ARHGAP10: variants seen among roughly 807,000 people sequenced by gnomAD.
The protein encoded by ARHGAP10 is Rho GTPase activating protein 10.
ARHGAP10 carries 87 observed loss-of-function variants against 108.6 expected under a neutral mutation model. That is an observed-to-expected ratio of 0.80 (90% CI 0.67 to 0.96). The LOEUF is 0.96. Among genes scored for constraint, ARHGAP10 ranks in the 40% least tolerant of loss-of-function variants. The pLI is 0.00. For synonymous variants in ARHGAP10, 347 were observed against 341.1 expected, an observed-to-expected ratio of 1.02 and a Z score of -0.19; for missense variants, 939 against 954.5, an observed-to-expected ratio of 0.98 and a Z score of 0.21.
At chr4:148,037,939 C>T (rs1200113554) in intron 19 of ARHGAP10, among the ~76,000 whole-genome samples, 3 of 151,858 alleles carry the variant, frequency 2.0e-5, no homozygotes, top group Non-Finnish European at 2.9e-5. Flanking sequence ...TGAAGCTTTT[C>T]ACCAGCTCCT....
In ARHGAP10 at chr4:148,025,296, G is replaced by A. The variant is rs554282490; in HGVS notation, c.1867+1883G>A. Reference sequence around the variant, plus strand: ...TTTTTATGTTCATTATTTGCATGATGTTTTGTTCTACATTTTGTATTTCAT... The same window carrying A: ...TTTTTATGTTCATTATTTGCATGATATTTTGTTCTACATTTTGTATTTCAT... On this transcript the variant is annotated intron_variant, in intron 19 of 22. Transcript: ENST00000336498. Among the ~76,000 whole-genome samples, 246 of 151,260 alleles carry A rather than the reference G, an allele frequency of 1.6e-3. 2 individuals carry two copies. Among genetic ancestry groups the A allele is most frequent in the African/African-American group, 5.6e-3 (233 of 41,308 alleles).
chr4:148,050,267 G>T (rs903017047), intron 20 of ARHGAP10, among the ~76,000 whole-genome samples: 2 of 147,606 alleles, frequency 1.4e-5, no homozygotes, highest in East Asian at 2.0e-4. Context: ...TTTTAATGAT[G>T]TATTTATAGA....
intron 13 of ARHGAP10, among the ~76,000 whole-genome samples, chr4:147,921,324 G>A (rs1380374730): frequency 1.3e-5 from 2 of 152,346 alleles, no homozygotes; most frequent in African/African-American, 4.8e-5. Flanking sequence ...CACTAGGGGT[G>A]CTTCTTGGAA....
rs529977711 is a variant in ARHGAP10 at position 147,988,322 on chromosome 4, T to C, written c.1716+21483T>C. ...CCCACAGTTTAAACCAGAAGTAGCT[T>C]TCCTCTGAACTTCCACTAATTTCAT... On this transcript the variant is annotated intron_variant, in intron 18 of 22. Transcript: ENST00000336498. 2.0e-5 allele frequency among the ~76,000 whole-genome samples: 3 copies of C among 152,318 alleles called. No homozygotes were observed. The South Asian group carries it at 6.2e-4, about 32-fold the overall frequency.
intron 18 of ARHGAP10, among the ~76,000 whole-genome samples, chr4:147,976,832 T>G (rs1172751473): frequency 6.6e-6 from 1 of 152,170 alleles, no homozygotes; most frequent in Non-Finnish European, 1.5e-5. Context: ...TAGTGCCCAG[T>G]ATAGACAAAG....
chr4:148,047,015 C>T lies in ARHGAP10; in HGVS notation c.1991C>T (p.Ala664Val). The T allele has an allele frequency of 6.2e-7, 1 of 1,614,164 alleles. No homozygotes were observed. Among genetic ancestry groups the T allele is most frequent in the South Asian group, 1.1e-5 (1 of 91,084 alleles). Residue 664 changes from alanine to valine, a missense_variant, in exon 20 of 23, where the codon GCA becomes GTA. Ala to Val is a moderately conservative substitution (Grantham distance 64, BLOSUM62 0). Transcript: ENST00000336498. ...GGACCAGACAAAAACCACCTTCTGG[C>T]AGATGGAGGGAGCTTTGGAGACTGG... ...PPGPDKNHLL[A>V]DGGSFGDWAS...
intron 22 of ARHGAP10, among the ~76,000 whole-genome samples, chr4:148,068,080 T>C (rs755279659): frequency 1.3e-5 from 2 of 151,902 alleles, no homozygotes; most frequent in Non-Finnish European, 2.9e-5. Context: ...TCTCTGGGCC[T>C]GGGGAATCCT....
At chr4:147,768,865 A>C (rs1729948923) in intron 1 of ARHGAP10, among the ~76,000 whole-genome samples, 1 of 151,774 alleles carries the variant, frequency 6.6e-6, no homozygotes, top group South Asian at 2.1e-4. Context: ...CAGACTCCCA[A>C]GTAGCTGGGA....
chr4:148,065,364 G>T (rs1199427476), intron 22 of ARHGAP10: 3 of 152,210 alleles, frequency 2.0e-5, no homozygotes, highest in African/African-American at 7.2e-5. Context: ...ATTTGCTGAC[G>T]ATTGTTTTTT....
chr4:147,936,317 C>CTTTT (rs765432394), intron 13 of ARHGAP10, among the ~76,000 whole-genome samples: 138 of 97,874 alleles, frequency 1.4e-3, no homozygotes, highest in Non-Finnish European at 1.7e-3. Context: ...CTTTTCCTCT[C>CTTTT]TTTTTTTTTT....
chr4:147,835,518 C>T (rs1249725574), intron 3 of ARHGAP10, among the ~76,000 whole-genome samples: 1 of 152,170 alleles, frequency 6.6e-6, no homozygotes, highest in Non-Finnish European at 1.5e-5. Flanking sequence ...GGGTTACAGG[C>T]ATGTGCCACC....
At chr4:147,806,982 G>A (rs1380899526) in intron 1 of ARHGAP10, among the ~76,000 whole-genome samples, 3 of 152,164 alleles carry the variant, frequency 2.0e-5, no homozygotes, top group Admixed American at 6.5e-5. Flanking sequence ...CGTGAAACCC[G>A]GTGAAAGGAT....
intron 18 of ARHGAP10, among the ~76,000 whole-genome samples, chr4:147,995,656 C>G (rs752534961): frequency 7.9e-5 from 12 of 152,178 alleles, no homozygotes; most frequent in Non-Finnish European, 1.5e-4. Context: ...AACCTGGTAT[C>G]AGTCAGAGAC....
chr4:147,859,672 C>T (rs987500880), intron 5 of ARHGAP10, among the ~76,000 whole-genome samples: 20 of 152,194 alleles, frequency 1.3e-4, no homozygotes, highest in Non-Finnish European at 2.4e-4. Context: ...ACAACATTGT[C>T]TTATTCAGTG....
chr4:147,913,111 A>G lies in ARHGAP10; in HGVS notation c.1200A>G (p.Arg400=). The G allele has an allele frequency of 6.2e-7, 1 of 1,614,012 alleles. No homozygotes were observed. The highest frequency in any genetic ancestry group is 8.5e-7 in the Non-Finnish European group (1 of 1,179,902). Residue 400 remains arginine (R), a synonymous_variant, in exon 13 of 23, where the codon AGA becomes AGG. Coordinates refer to ENST00000336498, the MANE Select transcript of ARHGAP10 (RefSeq NM_024605.4). ...QLDKMGFTII[R]KCISAVETRG... ...ATAAGATGGGGTTCACAATTATCAGAAAATGCATCAGTGCCGTTGAAACAC... is the reference window on the plus strand; with the variant it reads ...ATAAGATGGGGTTCACAATTATCAGGAAATGCATCAGTGCCGTTGAAACAC...
chr4:147,892,152 A>C (rs1406652730), intron 10 of ARHGAP10, among the ~76,000 whole-genome samples: 1 of 152,136 alleles, frequency 6.6e-6, no homozygotes, highest in Non-Finnish European at 1.5e-5. Flanking sequence ...TCTGACTTGT[A>C]GAATTCACTT....
chr4:147,824,438 A>C (rs1278554050), intron 3 of ARHGAP10, among the ~76,000 whole-genome samples: 1 of 152,136 alleles, frequency 6.6e-6, no homozygotes, highest in Non-Finnish European at 1.5e-5. Flanking sequence ...AATACTGGAC[A>C]TATTAGCTAA....
At chr4:147,739,383 A>G (rs917800329) in intron 1 of ARHGAP10, among the ~76,000 whole-genome samples, 1 of 152,174 alleles carries the variant, frequency 6.6e-6, no homozygotes, top group Non-Finnish European at 1.5e-5. Flanking sequence ...CTTTCCTCCA[A>G]GTGACTGATA....
At chr4:147,788,540 G>A (rs1285052912) in intron 1 of ARHGAP10, among the ~76,000 whole-genome samples, 1 of 152,180 alleles carries the variant, frequency 6.6e-6, no homozygotes, top group African/African-American at 2.4e-5. Flanking sequence ...GGTGAGATTA[G>A]GGGTGAGACC....
Sources: gnomAD v4.1 joint callset for allele counts (sites outside exome capture counted in the v4.1 genomes callset) on GRCh38, gnomAD v4.1.1 for gene constraint, MANE v1.5 for transcripts, NCBI Gene and HGNC (gene_info 2026-07-23, HGNC 2026-07-21) for gene names.